Variants in DNAJA4 observed in about 807,000 individuals in gnomAD.
DNAJA4 encodes the protein DnaJ heat shock protein family (Hsp40) member A4, also known as dnaJ homolog subfamily A member 4.
In DNAJA4, 32 loss-of-function variants were observed where a neutral mutation model predicts 39.7. The observed-to-expected ratio is 0.81, with a 90% CI of 0.61 to 1.08. The LOEUF (loss-of-function observed/expected upper bound fraction) is 1.08. Ranked by LOEUF, DNAJA4 falls within the 50% of genes least tolerant of loss-of-function variation. The pLI is 0.00. For synonymous variants in DNAJA4, 184 were observed against 182.4 expected, an observed-to-expected ratio of 1.01 and a Z score of -0.07; for missense variants, 439 against 505.1, an observed-to-expected ratio of 0.87 and a Z score of 1.25.
At chr15:78,264,316 G>T, upstream of DNAJA4, 1 of 1,400,184 alleles carries the variant, frequency 7.1e-7, no homozygotes, top group Non-Finnish European at 9.3e-7. Flanking sequence ...CCCCCGCCAT[G>T]GCCCGGGGCG....
chr15:78,267,909 A>T (rs910835850), intron 1 of DNAJA4, among the ~76,000 whole-genome samples: 7 of 152,140 alleles, frequency 4.6e-5, no homozygotes, highest in Non-Finnish European at 1.0e-4. Flanking sequence ...TTCTGTGGCA[A>T]ATGATCATGG....
At chr15:78,271,326 G>T (rs984052723) in intron 2 of DNAJA4, among the ~76,000 whole-genome samples, 2 of 152,258 alleles carry the variant, frequency 1.3e-5, no homozygotes, top group African/African-American at 4.8e-5. Context: ...GCCGCCTGTG[G>T]TTGTCAGTGA....
intron 2 of DNAJA4, 83 bp downstream of exon 2, chr15:78,270,760 T>C: frequency 6.7e-7 from 1 of 1,481,542 alleles, no homozygotes; most frequent in Non-Finnish European, 9.2e-7. Context: ...GATCATGCTT[T>C]AAAAGGATAT....
chr15:78,265,039 G>A, intron 1 of DNAJA4, 144 bp downstream of exon 1: 3 of 1,069,540 alleles, frequency 2.8e-6, no homozygotes, highest in Non-Finnish European at 3.9e-6. Flanking sequence ...GGGCAGAGGT[G>A]GCGGGAGACC....
At position 78,264,566 on chromosome 15, in the gene DNAJA4, CG is replaced by C. The variant is rs2049060916; in HGVS notation, c.-196del. ...CGCGGAGGAGCCGGTGGCTCTAGTGCGGTGGAGCCAGGCGTGGAAGTCGGTC... is the reference window on the plus strand; with the variant it reads ...CGCGGAGGAGCCGGTGGCTCTAGTGCGTGGAGCCAGGCGTGGAAGTCGGTC... On this transcript the variant is annotated 5_prime_UTR_variant, in exon 1 of 7. Transcript: ENST00000394852. 7.5e-6 allele frequency: 9 copies of C among 1,203,898 alleles called. No individual in the cohort carries two copies. The highest frequency in any genetic ancestry group is 9.3e-6 in the Non-Finnish European group (9 of 970,420). The allele number at this position is 1,203,898 out of a possible 1,614,324, so 74.6% of individuals were successfully genotyped here.
At chr15:78,268,180 G>A (rs191749938) in intron 1 of DNAJA4, among the ~76,000 whole-genome samples, 107 of 152,264 alleles carry the variant, frequency 7.0e-4, no homozygotes, top group Non-Finnish European at 1.4e-3. Flanking sequence ...TCCGGTGGAC[G>A]TTCCCATGAA....
At chr15:78,271,658 G>C (rs74655496) in intron 2 of DNAJA4, among the ~76,000 whole-genome samples, 1 of 152,144 alleles carries the variant, frequency 6.6e-6, no homozygotes, top group Admixed American at 6.6e-5. Flanking sequence ...TGACTTTCTC[G>C]GGATTTGTTC....
chr15:78,272,812 TTTGTTCTCAGAA>T lies in DNAJA4; in HGVS notation c.314-282_314-271del, dbSNP rs575154097. 1.3e-4 allele frequency among the ~76,000 whole-genome samples: 20 copies of T among 152,358 alleles called. No homozygotes were observed. In the East Asian group the frequency reaches 3.9e-3, roughly 29 times the overall value. ...AATTAGTACTCTCCTTGTCCTCAGA[TTTGTTCTCAGAA>T]AATAAAGGTGGAAAGTCTTTTTGTT... is the stretch of plus-strand genomic sequence containing the variant. On this transcript the variant is annotated intron_variant, in intron 2 of 6. Coordinates refer to ENST00000394852, the MANE Select transcript of DNAJA4 (RefSeq NM_001130182.2).
At chr15:78,272,936 G>C (rs1178138564) in intron 2 of DNAJA4, among the ~76,000 whole-genome samples, 159 bp from the exon 3 acceptor site, 1 of 152,182 alleles carries the variant, frequency 6.6e-6, no homozygotes, top group Admixed American at 6.5e-5. Context: ...GGATGGGCTG[G>C]GGTAATAGAA....
At chr15:78,275,064 A>T in intron 4 of DNAJA4, 1 of 185,310 alleles carries the variant, frequency 5.4e-6, no homozygotes, top group Non-Finnish European at 1.1e-5. Flanking sequence ...TTATTAAAGG[A>T]CTTACTGTTT....
intron 1 of DNAJA4, chr15:78,265,396 G>T: frequency 1.5e-6 from 1 of 681,874 alleles, no homozygotes; most frequent in South Asian, 1.6e-5. Context: ...TCTTGAGAAT[G>T]ACTAGCTGGA....
intron 1 of DNAJA4, chr15:78,265,406 A>G: frequency 1.4e-6 from 1 of 690,606 alleles, no homozygotes; most frequent in Non-Finnish European, 2.6e-6. Context: ...GACTAGCTGG[A>G]TTTGTTCTGT....
intron 1 of DNAJA4, among the ~76,000 whole-genome samples, chr15:78,267,041 CTCATTCAT>C (rs376386009): frequency 8.5e-5 from 13 of 152,168 alleles, no homozygotes; most frequent in African/African-American, 2.4e-4. Context: ...CCAGAGAGAG[CTCATTCAT>C]TCATTCATTC....
rs1225871848 is a variant in DNAJA4 at position 78,280,334 on chromosome 15, A to C, written c.1068A>C (p.Thr356=). 5.0e-6 allele frequency: 8 copies of C among 1,614,132 alleles called. No individual in the cohort carries two copies. Among genetic ancestry groups the C allele is most frequent in the Non-Finnish European group, 1.7e-6 (2 of 1,180,054 alleles). Reference sequence around the variant, plus strand: ...CTCCTCGACAGAAAGTGAGGATTACAGATGACATGGATCAGGTGGAGCTGA... The same window carrying C: ...CTCCTCGACAGAAAGTGAGGATTACCGATGACATGGATCAGGTGGAGCTGA... The part of the protein sequence containing the change: ...LLPPRQKVRI[T]DDMDQVELKE... The change falls in exon 7 of 7, where the codon ACA becomes ACC. Residue 356 remains threonine, a synonymous_variant. Coordinates refer to ENST00000394852, the MANE Select transcript of DNAJA4 (RefSeq NM_001130182.2).
In DNAJA4 at chr15:78,281,554, C is replaced by G. The variant is rs2049657643; in HGVS notation, c.*1094C>G. The G allele has an allele frequency of 6.6e-6, 1 of 152,212 alleles. No homozygotes were observed. Among genetic ancestry groups the G allele is most frequent in the Non-Finnish European group, 1.5e-5 (1 of 68,036 alleles). 9.4% of individuals were successfully genotyped at this position (152,212 alleles called of 1,614,324 possible). A position where few individuals can be genotyped will look rare whatever the true frequency, so the allele number is the denominator to read the frequency against. On this transcript the variant is annotated 3_prime_UTR_variant, in exon 7 of 7. Transcript: ENST00000394852. ...TGTGGATTACAGTTTGTATGGACTA[C>G]TACTGTAAATTATAGCTTGTTTGGA... is the stretch of plus-strand genomic sequence containing the variant.
intron 2 of DNAJA4, among the ~76,000 whole-genome samples, chr15:78,271,817 G>A (rs974047123): frequency 5.3e-5 from 8 of 152,190 alleles, no homozygotes; most frequent in Non-Finnish European, 1.0e-4. Flanking sequence ...ATAACCAAGC[G>A]TATTACAATT....
At chr15:78,270,729 C>T (rs1002246722) in intron 2 of DNAJA4, 52 bp downstream of exon 2, 14 of 1,571,314 alleles carry the variant, frequency 8.9e-6, no homozygotes, top group South Asian at 4.6e-5. Flanking sequence ...CACAATTATA[C>T]GTGTTGTTGG....
chr15:78,273,626 G>A (rs1461052107), intron 3 of DNAJA4, among the ~76,000 whole-genome samples: 2 of 152,154 alleles, frequency 1.3e-5, no homozygotes, highest in East Asian at 3.8e-4. Flanking sequence ...AGTTCACTCT[G>A]CCGTCATAGT....
At chr15:78,269,750 A>G (rs748336745) in intron 1 of DNAJA4, among the ~76,000 whole-genome samples, 1 of 151,532 alleles carries the variant, frequency 6.6e-6, no homozygotes, top group Non-Finnish European at 1.5e-5. Context: ...AGGATCACAC[A>G]TTGTATTCGT....
Sources: allele counts gnomAD v4.1 joint callset (sites outside exome capture counted in the v4.1 genomes callset), GRCh38; gene constraint gnomAD v4.1.1; transcripts MANE v1.5; gene names NCBI Gene and HGNC (gene_info 2026-07-23, HGNC 2026-07-21).